Variants in SLC25A26 observed in about 807,000 individuals in gnomAD.
SLC25A26 encodes the protein mitochondrial S-adenosylmethionine carrier protein.
In SLC25A26, 36 loss-of-function variants were observed where a neutral mutation model predicts 37.8. The observed-to-expected ratio is 0.95, with a 90% CI of 0.73 to 1.26. The LOEUF (loss-of-function observed/expected upper bound fraction) is 1.26, where lower values mean the gene tolerates loss of function less well. SLC25A26 is among the 50% of genes most tolerant of loss of function. The probability of loss-of-function intolerance (pLI) is 0.00; values close to 1 mark genes in which losing one functional copy is unlikely to be tolerated. For synonymous variants in SLC25A26, 129 were observed against 122.5 expected (o/e 1.05, Z -0.35); for missense variants, 390 against 331.1 (o/e 1.18, Z -1.38).
chr3:66,227,725 CT>C (rs2071823024), intron 1 of SLC25A26, among the ~76,000 whole-genome samples: 1 of 152,050 alleles, frequency 6.6e-6, no homozygotes, highest in Non-Finnish European at 1.5e-5. Flanking sequence ...ATCTGGGGAG[CT>C]TTTTCGTGAT....
At position 66,195,587 on chromosome 3, in the gene SLC25A26, A is replaced by G. The variant is rs1171705221; in HGVS notation, c.-353-25155A>G. 4.6e-5 allele frequency among the ~76,000 whole-genome samples: 7 copies of G among 152,342 alleles called. No individual in the cohort carries two copies. In the South Asian group the frequency reaches 1.2e-3, roughly 27 times the overall value. ...CTTGCGCCGGGCAGGCCCTCGGGCT[A>G]GCGTCTGGCTGATGGGTGGTGCTGC... On this transcript the variant is annotated intron_variant, in intron 1 of 10. Coordinates refer to the SLC25A26 transcript ENST00000676754.
intron 5 of SLC25A26, among the ~76,000 whole-genome samples, chr3:66,344,008 A>G (rs1030042510): frequency 2.0e-5 from 3 of 152,248 alleles, no homozygotes; most frequent in Middle Eastern, 3.4e-3. Flanking sequence ...GATGATAACA[A>G]ACTTCTCTGA....
At chr3:66,138,460 C>T (rs1015067630) in intron 1 of SLC25A26, among the ~76,000 whole-genome samples, 1 of 152,066 alleles carries the variant, frequency 6.6e-6, no homozygotes, top group Non-Finnish European at 1.5e-5. Context: ...GTTATTTTCT[C>T]CTAAGGTTAG....
chr3:66,316,960 T>G lies in SLC25A26; in HGVS notation c.454-29404T>G, dbSNP rs566299940. ...GTGTTTTTCAACTCCATCAGGTCAT[T>G]TATGTTCATCTCTAAACTGGTTATT... On this transcript the variant is annotated intron_variant, in intron 5 of 9. Coordinates refer to ENST00000354883, the MANE Select transcript of SLC25A26 (RefSeq NM_001379210.1). Among the ~76,000 whole-genome samples the G allele has an allele frequency of 7.9e-5, 12 of 152,328 alleles. 1 individual carries two copies. Among genetic ancestry groups the G allele is most frequent in the African/African-American group, 2.6e-4 (11 of 41,574 alleles).
intron 6 of SLC25A26, among the ~76,000 whole-genome samples, chr3:66,349,200 G>C (rs1343249731): frequency 5.9e-5 from 9 of 152,164 alleles, no homozygotes; most frequent in Admixed American, 5.9e-4. Flanking sequence ...AATTCTCTTT[G>C]AGCAAATGTT....
At chr3:66,183,756 T>C (rs938284156) in intron 1 of SLC25A26, among the ~76,000 whole-genome samples, 5 of 152,038 alleles carry the variant, frequency 3.3e-5, no homozygotes, top group African/African-American at 1.2e-4. Context: ...CACCATGACC[T>C]GAGCTTGACA....
chr3:66,364,964 C>T (rs2076794319), intron 7 of SLC25A26, among the ~76,000 whole-genome samples: 1 of 152,086 alleles, frequency 6.6e-6, no homozygotes. Context: ...TTATTTATAT[C>T]CCTTATTTTG....
intron 6 of SLC25A26, among the ~76,000 whole-genome samples, chr3:66,349,429 G>A (rs1158481984): frequency 6.6e-6 from 1 of 151,874 alleles, no homozygotes; most frequent in Non-Finnish European, 1.5e-5. Flanking sequence ...CTCTTTTCCA[G>A]AACATCATAG....
intron 2 of SLC25A26, among the ~76,000 whole-genome samples, chr3:66,240,969 G>A (rs899194214): frequency 9.2e-5 from 14 of 151,626 alleles, no homozygotes; most frequent in South Asian, 2.1e-4. Flanking sequence ...GGATGGTCTC[G>A]ATCTCCTGAC....
intron 3 of SLC25A26, among the ~76,000 whole-genome samples, chr3:66,253,921 G>A (rs1416241856): frequency 6.6e-6 from 1 of 152,196 alleles, no homozygotes; most frequent in Non-Finnish European, 1.5e-5. Context: ...CTTTTGGGTT[G>A]TATAAAATTC....
At chr3:66,135,329 C>T (rs1281556258) in intron 1 of SLC25A26, among the ~76,000 whole-genome samples, 1 of 152,166 alleles carries the variant, frequency 6.6e-6, no homozygotes, top group Non-Finnish European at 1.5e-5. Flanking sequence ...AAAATATAAA[C>T]ATTGTAATAC....
At chr3:66,280,937 C>G (rs1274473351) in intron 5 of SLC25A26, among the ~76,000 whole-genome samples, 2 of 152,150 alleles carry the variant, frequency 1.3e-5, no homozygotes, top group Non-Finnish European at 2.9e-5. Context: ...TTAATATTCA[C>G]TAACTAATAT....
chr3:66,321,478 C>T (rs1390470763), intron 5 of SLC25A26, among the ~76,000 whole-genome samples: 2 of 152,168 alleles, frequency 1.3e-5, no homozygotes, highest in African/African-American at 4.8e-5. Flanking sequence ...GTTTGAGAAA[C>T]CCTTCCGTGT....
intron 6 of SLC25A26, among the ~76,000 whole-genome samples, chr3:66,362,371 A>T (rs1375933250): frequency 6.6e-6 from 1 of 152,234 alleles, no homozygotes; most frequent in African/African-American, 2.4e-5. Flanking sequence ...GCAACTGTTG[A>T]TATCTGCATG....
At chr3:66,318,777 A>C (rs111734332) in intron 5 of SLC25A26, among the ~76,000 whole-genome samples, 3,262 of 152,020 alleles carry the variant, frequency 0.021, 87 homozygotes, top group African/African-American at 0.057. Flanking sequence ...CTCATGCTTC[A>C]TATAGCTGGG....
chr3:66,358,891 G>T lies in SLC25A26; in HGVS notation c.499-3969G>T, dbSNP rs72902986. Among the ~76,000 whole-genome samples the T allele has an allele frequency of 3.4e-3, 522 of 152,314 alleles. 4 individuals carry two copies. The highest frequency in any genetic ancestry group is 0.012 in the African/African-American group (483 of 41,574). On this transcript the variant is annotated intron_variant, in intron 6 of 9. Coordinates refer to ENST00000354883, the MANE Select transcript of SLC25A26 (RefSeq NM_001379210.1). ...GTAAAGTGCTTCACACCTGGAATGT[G>T]GGAAGTTCTGTATGTTCTATGGAAG... is the stretch of plus-strand genomic sequence containing the variant.
intron 2 of SLC25A26, among the ~76,000 whole-genome samples, chr3:66,237,306 C>T (rs907539944): frequency 6.6e-6 from 1 of 152,232 alleles, no homozygotes; most frequent in East Asian, 1.9e-4. Context: ...CAATCATTCT[C>T]AACTTTGCCT....
chr3:66,223,544 C>T (rs2071597697), intron 1 of SLC25A26, among the ~76,000 whole-genome samples: 1 of 152,182 alleles, frequency 6.6e-6, no homozygotes, highest in African/African-American at 2.4e-5. Flanking sequence ...GTTTGAGACA[C>T]AGTGAACACT....
chr3:66,343,225 C>T (rs1351565036), intron 5 of SLC25A26, among the ~76,000 whole-genome samples: 1 of 152,190 alleles, frequency 6.6e-6, no homozygotes, highest in African/African-American at 2.4e-5. Flanking sequence ...GCCCATCTTT[C>T]ACATGTGTGG....
Sources: gnomAD v4.1 joint callset for allele counts (sites outside exome capture counted in the v4.1 genomes callset) on GRCh38, gnomAD v4.1.1 for gene constraint, MANE v1.5 for transcripts, NCBI Gene and HGNC (gene_info 2026-07-23, HGNC 2026-07-21) for gene names.